Variants in ZNF420 observed in about 807,000 individuals in gnomAD.
The protein encoded by ZNF420 is ATM and p53-associated KZNF protein.
Under a neutral mutation model 44.7 loss-of-function variants are expected in ZNF420, and 31 were observed. The observed-to-expected ratio is 0.69, with a 90% confidence interval of 0.52 to 0.94. The LOEUF is 0.94. Ranked by LOEUF, ZNF420 falls within the 40% of genes least tolerant of loss-of-function variation. The pLI is 0.00. For synonymous variants in ZNF420, 245 were observed against 267.4 expected (o/e 0.92, Z 0.82); for missense variants, 681 against 827.9 (o/e 0.82, Z 2.18).
intron 1 of ZNF420, among the ~76,000 whole-genome samples, chr19:37,064,160 T>G (rs189179491): frequency 7.0e-4 from 107 of 152,374 alleles, no homozygotes; most frequent in Non-Finnish European, 1.4e-3. Context: ...CATTACATCT[T>G]AATCACTAAG....
intron 4 of ZNF420, among the ~76,000 whole-genome samples, chr19:37,100,994 C>CTTTTTTTTTT (rs35330746): frequency 7.3e-6 from 1 of 137,064 alleles, no homozygotes. Flanking sequence ...AAATTTATTC[C>CTTTTTTTTTT]TTTTTTTTTT....
At chr19:37,106,822 C>T (rs1421332995) in intron 4 of ZNF420, 3 of 151,974 alleles carry the variant, frequency 2.0e-5, no homozygotes, top group South Asian at 4.2e-4. Flanking sequence ...TCTACCATCT[C>T]GGAGAGGGGG....
At chr19:37,110,849 A>G (rs1465691498) in intron 4 of ZNF420, among the ~76,000 whole-genome samples, 2 of 152,202 alleles carry the variant, frequency 1.3e-5, no homozygotes. Context: ...TGGTAATTTT[A>G]GGTAAAATCC....
At chr19:37,015,189 C>G (rs911033216) in intron 1 of ZNF420, among the ~76,000 whole-genome samples, 3 of 152,144 alleles carry the variant, frequency 2.0e-5, no homozygotes, top group African/African-American at 7.2e-5. Context: ...GTGACTCGTG[C>G]GCTGGAGCGC....
intron 1 of ZNF420, among the ~76,000 whole-genome samples, chr19:37,022,726 C>G (rs1190591432): frequency 2.0e-5 from 3 of 151,842 alleles, no homozygotes; most frequent in African/African-American, 7.3e-5. Context: ...TCATGTAATA[C>G]AGCAATATAC....
intron 4 of ZNF420, among the ~76,000 whole-genome samples, chr19:37,099,710 G>A (rs1969658279): frequency 6.6e-6 from 1 of 152,038 alleles, no homozygotes; most frequent in Non-Finnish European, 1.5e-5. Flanking sequence ...TACAACCTCC[G>A]CCTGCCAGGT....
rs775494751 is a variant in ZNF420, at chr19:37,129,420, C to T, written c.*362C>T. On this transcript the variant is annotated 3_prime_UTR_variant, in exon 5 of 5. Transcript: ENST00000337995. ...TTTAAGATAGACCTAAGTATATTAC[C>T]TTTATTGTAAGATTCTTGGAAGTAT... The T allele has an allele frequency of 1.0e-5, 2 of 191,922 alleles. No individual in the cohort carries two copies. Among genetic ancestry groups the T allele is most frequent in the Admixed American group, 5.3e-5 (1 of 18,768 alleles). The allele number at this position is 191,922 out of a possible 1,614,324, so 11.9% of individuals were successfully genotyped here.
At chr19:37,054,070 C>T (rs1272933898) in intron 1 of ZNF420, among the ~76,000 whole-genome samples, 1 of 152,220 alleles carries the variant, frequency 6.6e-6, no homozygotes, top group East Asian at 1.9e-4. Context: ...TGGCGCCCCT[C>T]CCCCAGCCTC....
At chr19:37,116,368 C>CAAAA (rs57611154) in intron 4 of ZNF420, among the ~76,000 whole-genome samples, 47 of 75,788 alleles carry the variant, frequency 6.2e-4, no homozygotes, top group African/African-American at 1.1e-3. Context: ...GACTCCACCT[C>CAAAA]AAAAAAAAAA....
chr19:37,118,161 C>T (rs1436774728), intron 4 of ZNF420, among the ~76,000 whole-genome samples: 2 of 152,110 alleles, frequency 1.3e-5, no homozygotes, highest in Non-Finnish European at 2.9e-5. Flanking sequence ...AACTCCAAGA[C>T]ACATAATTGT....
chr19:37,014,369 C>T (rs2074594022), intron 1 of ZNF420, among the ~76,000 whole-genome samples: 1 of 152,186 alleles, frequency 6.6e-6, no homozygotes, highest in African/African-American at 2.4e-5. Flanking sequence ...CCCCTTCACA[C>T]CTCACCAGAC....
chr19:37,092,804 A>C (rs1969230669), intron 4 of ZNF420, among the ~76,000 whole-genome samples: 1 of 152,192 alleles, frequency 6.6e-6, no homozygotes, highest in African/African-American at 2.4e-5. Context: ...AGGCATTCTC[A>C]AGATTTGAAG....
At position 37,127,456 on chromosome 19, in the gene ZNF420, A is replaced by G. The variant is rs768892280; in HGVS notation, c.465A>G (p.Thr155=). The stretch of plus-strand genomic sequence containing the variant: ...CCTTCAGACGAGCCTCACACCTAAC[A>G]CAACATCAAAGTATTCATACTGGTG... ...GKAFRRASHL[T]QHQSIHTGEK... The change falls in exon 5 of 5, where the codon ACA becomes ACG. Residue 155 remains threonine, a synonymous_variant. Coordinates refer to ENST00000337995, the MANE Select transcript of ZNF420 (RefSeq NM_144689.5). 3 of 1,613,930 alleles carry G rather than the reference A, an allele frequency of 1.9e-6. No homozygotes were observed. The highest frequency in any genetic ancestry group is 1.7e-4 in the Middle Eastern group (1 of 6,056).
intron 1 of ZNF420, among the ~76,000 whole-genome samples, chr19:37,012,764 CTCTGTGTGTGTGTGTGTGTGTG>C (rs1344481601): frequency 5.9e-4 from 78 of 132,368 alleles, no homozygotes; most frequent in East Asian, 3.4e-3. Context: ...TGCTATATGT[CTCTGTGTGTGTGTGTGTGTGTG>C]TGTGTGTGTG....
intron 1 of ZNF420, among the ~76,000 whole-genome samples, chr19:37,019,695 A>C (rs1215208654): frequency 6.6e-6 from 1 of 152,054 alleles, no homozygotes; most frequent in Non-Finnish European, 1.5e-5. Flanking sequence ...TGAACCCAGA[A>C]GGCAGAGTTT....
At chr19:37,102,854 C>T (rs964816049) in intron 4 of ZNF420, among the ~76,000 whole-genome samples, 31 of 152,136 alleles carry the variant, frequency 2.0e-4, no homozygotes, top group Admixed American at 5.9e-4. Flanking sequence ...CTCTCCAGTG[C>T]TTTGGATTTG....
At chr19:37,016,293 C>CG (rs2074608061) in intron 1 of ZNF420, among the ~76,000 whole-genome samples, 1 of 152,184 alleles carries the variant, frequency 6.6e-6, no homozygotes, top group Admixed American at 6.5e-5. Context: ...CCTCTCAGCA[C>CG]GGAACCATTG....
At chr19:37,034,582 C>T (rs1967321266) in intron 1 of ZNF420, among the ~76,000 whole-genome samples, 3 of 152,162 alleles carry the variant, frequency 2.0e-5, no homozygotes, top group Admixed American at 2.0e-4. Context: ...TATCATGTCT[C>T]TCCTGCCTCA....
At chr19:37,092,870 A>C (rs1232785491) in intron 4 of ZNF420, 6 of 152,214 alleles carry the variant, frequency 3.9e-5, no homozygotes, top group African/African-American at 1.4e-4. Context: ...GAACAACCCA[A>C]ATGTCCATCA....
Sources: allele counts gnomAD v4.1 joint callset (sites outside exome capture counted in the v4.1 genomes callset), GRCh38; gene constraint gnomAD v4.1.1; transcripts MANE v1.5; gene names NCBI Gene and HGNC (gene_info 2026-07-23, HGNC 2026-07-21).